Variants in ARHGAP24 observed in about 807,000 individuals in gnomAD.
ARHGAP24 encodes rho GTPase-activating protein 24.
In ARHGAP24, 50 loss-of-function variants were observed where a neutral mutation model predicts 76.4. The ratio of observed to expected loss-of-function variants is 0.65; its 90% confidence interval spans 0.52 to 0.83. The LOEUF is 0.83. Among genes scored for constraint, ARHGAP24 ranks in the 40% least tolerant of loss-of-function variants. ARHGAP24 has a pLI of 0.00. For synonymous variants in ARHGAP24, 345 were observed against 323.3 expected (o/e 1.07, Z -0.72); for missense variants, 930 against 914.2 (o/e 1.02, Z -0.22).
chr4:85,664,998 G>T, intron 2 of ARHGAP24, among the ~76,000 whole-genome samples: 1 of 152,148 alleles, frequency 6.6e-6, no homozygotes, highest in East Asian at 1.9e-4. Flanking sequence ...CTATTGATTT[G>T]GGTTGGAGAG....
intron 2 of ARHGAP24, among the ~76,000 whole-genome samples, chr4:85,680,119 A>G (rs1369917762): frequency 1.3e-5 from 2 of 152,164 alleles, no homozygotes; most frequent in Non-Finnish European, 2.9e-5. Context: ...ACCGCAGTTG[A>G]TATCATCCAA....
intron 5 of ARHGAP24, among the ~76,000 whole-genome samples, chr4:85,966,276 G>A (rs772260734): frequency 2.6e-5 from 4 of 152,140 alleles, no homozygotes; most frequent in Non-Finnish European, 5.9e-5. Flanking sequence ...AGGAGTTAGG[G>A]CTTTGATGTA....
At chr4:85,720,887 A>G (rs1724906459) in intron 2 of ARHGAP24, among the ~76,000 whole-genome samples, 1 of 152,194 alleles carries the variant, frequency 6.6e-6, no homozygotes, top group South Asian at 2.1e-4. Flanking sequence ...AAAAGTGAAC[A>G]TTATCAAACA....
intron 3 of ARHGAP24, among the ~76,000 whole-genome samples, chr4:85,831,954 A>G (rs1730014985): frequency 6.6e-6 from 1 of 152,086 alleles, no homozygotes; most frequent in Admixed American, 6.5e-5. Flanking sequence ...CTGTGTAAGA[A>G]CTGTATTTTT....
At chr4:85,904,778 G>T (rs966065784) in intron 3 of ARHGAP24, among the ~76,000 whole-genome samples, 4 of 152,184 alleles carry the variant, frequency 2.6e-5, no homozygotes, top group Admixed American at 6.5e-5. Flanking sequence ...CAAAACAAAT[G>T]ATCTGTTTCA....
At chr4:85,490,644 C>G (rs1010611991) in intron 1 of ARHGAP24, among the ~76,000 whole-genome samples, 2 of 152,082 alleles carry the variant, frequency 1.3e-5, no homozygotes, top group African/African-American at 4.8e-5. Flanking sequence ...AGCCATGGAA[C>G]ATTTGTTTGG....
At chr4:85,623,159 G>A (rs774447532) in intron 2 of ARHGAP24, among the ~76,000 whole-genome samples, 11 of 152,168 alleles carry the variant, frequency 7.2e-5, no homozygotes, top group Admixed American at 7.2e-4. Context: ...TTTTAGACAC[G>A]AAGTCCTTGC....
At chr4:85,603,426 A>G (rs1433258236) in intron 2 of ARHGAP24, among the ~76,000 whole-genome samples, 1 of 152,202 alleles carries the variant, frequency 6.6e-6, no homozygotes, top group African/African-American at 2.4e-5. Flanking sequence ...ATTTAATGAC[A>G]TTATAGGTAT....
At chr4:85,740,325 C>T (rs944542007) in intron 3 of ARHGAP24, among the ~76,000 whole-genome samples, 6 of 151,282 alleles carry the variant, frequency 4.0e-5, no homozygotes, top group Admixed American at 1.3e-4. Context: ...TGGGTTCAGG[C>T]GATTCTCCTG....
intron 3 of ARHGAP24, among the ~76,000 whole-genome samples, chr4:85,746,805 C>T (rs1225477467): frequency 6.6e-6 from 1 of 151,942 alleles, no homozygotes; most frequent in Non-Finnish European, 1.5e-5. Context: ...GTGCCTGCCA[C>T]CATGCCTGGC....
At chr4:85,631,245 T>C (rs1721149777) in intron 2 of ARHGAP24, among the ~76,000 whole-genome samples, 1 of 152,170 alleles carries the variant, frequency 6.6e-6, no homozygotes, top group Non-Finnish European at 1.5e-5. Context: ...TAGATATCTT[T>C]AAGCTAGAAA....
intron 3 of ARHGAP24, among the ~76,000 whole-genome samples, chr4:85,805,943 G>C (rs1247793920): frequency 6.6e-6 from 1 of 152,034 alleles, no homozygotes; most frequent in Non-Finnish European, 1.5e-5. Flanking sequence ...TATGATTTCA[G>C]GGCCTCCTAG....
chr4:85,700,964 A>T (rs1724063197), intron 2 of ARHGAP24, among the ~76,000 whole-genome samples: 1 of 152,190 alleles, frequency 6.6e-6, no homozygotes, highest in Non-Finnish European at 1.5e-5. Context: ...TCCAATATTT[A>T]TTCCTTGAGA....
intron 2 of ARHGAP24, among the ~76,000 whole-genome samples, chr4:85,637,980 A>G (rs889571923): frequency 6.6e-6 from 1 of 152,104 alleles, no homozygotes; most frequent in African/African-American, 2.4e-5. Flanking sequence ...TCTCCTGAGC[A>G]GAAGCTTCTG....
At chr4:85,705,018 G>T (rs1297535085) in intron 2 of ARHGAP24, among the ~76,000 whole-genome samples, 2 of 152,002 alleles carry the variant, frequency 1.3e-5, no homozygotes, top group African/African-American at 4.8e-5. Flanking sequence ...TTTTATGATT[G>T]ATATACCTAT....
intron 3 of ARHGAP24, among the ~76,000 whole-genome samples, chr4:85,900,571 C>T (rs528572153): frequency 2.0e-5 from 3 of 151,926 alleles, no homozygotes; most frequent in South Asian, 2.1e-4. Flanking sequence ...ATTACAGGCA[C>T]GTGCCACCAT....
intron 3 of ARHGAP24, among the ~76,000 whole-genome samples, chr4:85,745,558 T>C (rs1296674972): frequency 6.8e-6 from 1 of 147,548 alleles, no homozygotes; most frequent in Non-Finnish European, 1.5e-5. Flanking sequence ...ACAACTGTAC[T>C]CCACCCTGAG....
chr4:85,785,516 A>C (rs1030178138), intron 3 of ARHGAP24, among the ~76,000 whole-genome samples: 4 of 143,524 alleles, frequency 2.8e-5, no homozygotes, highest in Admixed American at 7.2e-5. Context: ...TTTTTAAGAA[A>C]GAGCAGCAAG....
At chr4:85,977,934 C>A (rs541992931) in intron 8 of ARHGAP24, among the ~76,000 whole-genome samples, 40 of 152,260 alleles carry the variant, frequency 2.6e-4, no homozygotes, top group African/African-American at 8.2e-4. Context: ...ATAAATGAAA[C>A]CTTCATAAAT....
Sources: allele counts gnomAD v4.1 joint callset (sites outside exome capture counted in the v4.1 genomes callset), GRCh38; gene constraint gnomAD v4.1.1; transcripts MANE v1.5; gene names NCBI Gene and HGNC (gene_info 2026-07-23, HGNC 2026-07-21).